The following ZNF768 variants were observed in gnomAD, a reference collection of about 807,000 sequenced individuals.
ZNF768 encodes zinc finger protein 768.
In ZNF768, 12 loss-of-function variants were observed where a neutral mutation model predicts 39.7. The ratio of observed to expected loss-of-function variants is 0.30; its 90% CI spans 0.19 to 0.49. The LOEUF is 0.49. ZNF768 is among the 20% of genes least tolerant of loss of function. ZNF768 has a pLI of 0.99. For missense variants in ZNF768, 613 were observed against 723.2 expected (o/e 0.85, Z 1.75); for synonymous variants, 360 against 288.4 (o/e 1.25, Z -2.52).
chr16:30,527,447 T>C, upstream of ZNF768: 1 of 457,710 alleles, frequency 2.2e-6, no homozygotes, highest in Non-Finnish European at 2.9e-6. Flanking sequence ...GCTCGTGCTC[T>C]AGCCGCCCCG....
upstream of ZNF768, among the ~76,000 whole-genome samples, chr16:30,528,490 G>A (rs1223943752): frequency 2.6e-5 from 4 of 152,128 alleles, no homozygotes; most frequent in Non-Finnish European, 4.4e-5. Context: ...GGAGGCGGAG[G>A]TTGCAGTAAG....
chr16:30,525,566 C>T lies in ZNF768; in HGVS notation c.574G>A (p.Val192Ile). Residue 192 changes from valine (V) to isoleucine (I), a missense_variant, in exon 2 of 2, where the codon GTT becomes ATT. Val to Ile is a conservative substitution (Grantham distance 29). This residue lies in a region of ZNF768 where 347 missense variants were observed against 326.1 expected (regional missense o/e 1.06). Coordinates refer to ENST00000380412, the MANE Select transcript of ZNF768 (RefSeq NM_024671.4). ...EKSPLNISVG[V>I]HPLDSFTQGF... ...TGAGTGAAGGAGTCCAGGGGGTGAA[C>T]TCCTACGGAGATATTCAAAGGACTC... The T allele has an allele frequency of 1.2e-6, 2 of 1,614,250 alleles. No homozygotes were observed. The highest frequency in any genetic ancestry group is 2.2e-5 in the East Asian group (1 of 44,896).
upstream of ZNF768, chr16:30,527,070 C>A (rs2051334486): frequency 1.0e-6 from 1 of 985,416 alleles, no homozygotes; most frequent in African/African-American, 1.7e-5. Flanking sequence ...TGGCCAAGGG[C>A]GAGGCGACAA....
At chr16:30,532,098 A>G in the ZNF768 span, 1 of 224,700 alleles carries the variant, frequency 4.5e-6, no homozygotes, top group Non-Finnish European at 9.0e-6. Context: ...CAGTGAGTCG[A>G]GATCGCACCA....
At chr16:30,532,443 G>C in the ZNF768 span, 2 of 1,543,268 alleles carry the variant, frequency 1.3e-6, no homozygotes, top group Non-Finnish European at 1.7e-6. Flanking sequence ...AGAGGTTCGG[G>C]CCCCTGAGCC....
chr16:30,526,958 GC>G, upstream of ZNF768: 1 of 985,454 alleles, frequency 1.0e-6, no homozygotes, highest in Non-Finnish European at 1.2e-6. Flanking sequence ...ACGCCCCGGA[GC>G]CCGCGGGGCT....
upstream of ZNF768, among the ~76,000 whole-genome samples, chr16:30,529,460 C>T (rs1006290601): frequency 6.6e-6 from 1 of 152,246 alleles, no homozygotes; most frequent in East Asian, 1.9e-4. Flanking sequence ...CAGACGTTCT[C>T]AGTGAGAGGA....
upstream of ZNF768, among the ~76,000 whole-genome samples, chr16:30,529,560 A>G (rs1041473823): frequency 6.6e-6 from 1 of 152,214 alleles, no homozygotes; most frequent in African/African-American, 2.4e-5. Context: ...GCCCCAGTGT[A>G]TTGAACATGA....
chr16:30,528,427 A>T (rs1425187638), upstream of ZNF768: 1 of 152,130 alleles, frequency 6.6e-6, no homozygotes, highest in Non-Finnish European at 1.5e-5. Flanking sequence ...GGTGGTGGGC[A>T]CCTGTAATCC....
chr16:30,529,339 G>C (rs974492604), upstream of ZNF768, among the ~76,000 whole-genome samples: 1 of 152,248 alleles, frequency 6.6e-6, no homozygotes, highest in Admixed American at 6.5e-5. Flanking sequence ...TGGTCACTTT[G>C]TTCACAGCAT....
At chr16:30,526,702 C>T (rs1401952385), upstream of ZNF768, 50 of 916,088 alleles carry the variant, frequency 5.5e-5, no homozygotes, top group East Asian at 2.0e-3. Flanking sequence ...TCGCGACTAC[C>T]CCGGCGGCCC....
chr16:30,530,410 A>T (rs1287283492), upstream of ZNF768: 1 of 152,264 alleles, frequency 6.6e-6, no homozygotes, highest in East Asian at 1.9e-4. This position sits in a 1 kb window ranked among gnomAD's most constrained non-coding sequence, Gnocchi z 4.4. Context: ...CTCAGGGCCA[A>T]GATCTATCTG....
Position 30,525,084 on chromosome 16 carries a change from C to A in ZNF768, c.1056G>T (p.Lys352Asn). The stretch of plus-strand genomic sequence containing the variant: ...GGAGGTAGGAGCTGTCGCCGAAGGC[C>A]TTGCCACAATGTGGGCACTTGTAGG... ...QKPYKCPHCG[K>N]AFGDSSYLLR... The change falls in exon 2 of 2, where the codon AAG (lysine) becomes AAT (asparagine). Residue 352 changes from lysine to asparagine, a missense_variant. Transcript: ENST00000380412. The A allele has an allele frequency of 1.9e-6, 3 of 1,614,190 alleles. No individual in the cohort carries two copies. Among genetic ancestry groups the A allele is most frequent in the Non-Finnish European group, 2.5e-6 (3 of 1,180,020 alleles).
chr16:30,525,274 T>C lies in ZNF768; in HGVS notation c.866A>G (p.Tyr289Cys). ...HQRIHTGEKP[Y>C]KCEVCSKAFS... ...GGCCTTGCTGCAGACCTCACATTTG[T>C]AGGGCTTCTCACCGGTGTGGATGCG... Residue 289 changes from tyrosine (Y) to cysteine (C), a missense_variant, in exon 2 of 2, where the codon TAC (tyrosine) becomes TGC (cysteine). By Grantham distance (194) the Tyr-to-Cys change is radical. Transcript: ENST00000380412. 1.2e-6 allele frequency: 2 copies of C among 1,614,164 alleles called. No homozygotes were observed. Among genetic ancestry groups the C allele is most frequent in the Non-Finnish European group, 1.7e-6 (2 of 1,180,014 alleles).
At chr16:30,527,347 G>A (rs1182297842), upstream of ZNF768, 3 of 977,432 alleles carry the variant, frequency 3.1e-6, no homozygotes, top group Non-Finnish European at 3.6e-6. Context: ...CCTCCTCGAG[G>A]GCTAGGATAG....
chr16:30,525,263 C>A lies in ZNF768; in HGVS notation c.877G>T (p.Val293Phe), dbSNP rs1320683120. 1 of 1,614,130 alleles carries A rather than the reference C, an allele frequency of 6.2e-7. No individual in the cohort carries two copies. Residue 293 changes from valine to phenylalanine, a missense_variant, in exon 2 of 2, where the codon GTC becomes TTC. This residue lies in a region of ZNF768 where 40 missense variants were observed against 52.0 expected (regional missense o/e 0.77). Coordinates refer to ENST00000380412, the MANE Select transcript of ZNF768 (RefSeq NM_024671.4). ...CTCTGGGAGAAGGCCTTGCTGCAGA[C>A]CTCACATTTGTAGGGCTTCTCACCG... ...HTGEKPYKCE[V>F]CSKAFSQSSD...
the ZNF768 span, chr16:30,532,427 C>T: frequency 5.3e-6 from 8 of 1,502,264 alleles, no homozygotes; most frequent in Middle Eastern, 1.7e-4. Context: ...CCCTGCAGGC[C>T]GCTGCAGAGG....
chr16:30,526,156 A>T, intron 1 of ZNF768, 105 bp from the exon 2 acceptor site: 1 of 1,498,796 alleles, frequency 6.7e-7, no homozygotes, highest in East Asian at 2.5e-5. Context: ...GCCCCTAGAC[A>T]AGTGCTGAAA....
chr16:30,526,423 C>T lies in ZNF768; in HGVS notation c.-10G>A, dbSNP rs760320774. ...ACGCCTCCCGCTCCATCCCCGCGGG[C>T]TCCCAGTGCAGCGGCGGCGGCGATG... On this transcript the variant is annotated 5_prime_UTR_variant, in exon 1 of 2. Coordinates refer to ENST00000380412, the MANE Select transcript of ZNF768 (RefSeq NM_024671.4). 42 of 1,568,580 alleles carry T rather than the reference C, an allele frequency of 2.7e-5. No individual in the cohort carries two copies. The East Asian group carries it at 7.2e-4, about 27-fold the overall frequency.
Sources: gnomAD v4.1 joint callset for allele counts (sites outside exome capture counted in the v4.1 genomes callset) on GRCh38, gnomAD v4.1.1 for gene constraint, gnomAD v4.1.1 regional missense constraint, Gnocchi (gnomAD v3.1) non-coding constraint, MANE v1.5 for transcripts, NCBI Gene and HGNC (gene_info 2026-07-23, HGNC 2026-07-21) for gene names.